Variants in TRPM3 observed in about 807,000 individuals in gnomAD.
TRPM3 encodes long transient receptor potential channel 3.
In TRPM3, 77 loss-of-function variants were observed where a neutral mutation model predicts 181.2. That is an observed-to-expected ratio of 0.42 (90% confidence interval 0.35 to 0.51). The LOEUF is 0.51. TRPM3 is among the 20% of genes least tolerant of loss of function. The pLI is 0.01. For synonymous variants in TRPM3, 745 were observed against 796.4 expected (o/e 0.94, Z 1.09); for missense variants, 1,759 against 2,196.7 (o/e 0.80, Z 3.98).
intron 1 of TRPM3, among the ~76,000 whole-genome samples, chr9:71,444,270 G>A (rs2094175585): frequency 6.6e-6 from 1 of 151,290 alleles, no homozygotes; most frequent in Non-Finnish European, 1.5e-5. Context: ...AACTGGAAGT[G>A]ATTTCAAGAA....
chr9:70,753,225 A>C (rs138360687), intron 8 of TRPM3, among the ~76,000 whole-genome samples: 163 of 151,926 alleles, frequency 1.1e-3, no homozygotes, highest in African/African-American at 3.8e-3. Context: ...AAATTTGAGA[A>C]TTTCTATTTA....
intron 22 of TRPM3, among the ~76,000 whole-genome samples, chr9:70,567,843 C>G (rs1269358161): frequency 6.6e-6 from 1 of 152,186 alleles, no homozygotes; most frequent in East Asian, 1.9e-4. Flanking sequence ...CTTCCTTTCT[C>G]TACATCTTGT....
At chr9:70,632,873 T>C (rs1022746210) in intron 12 of TRPM3, among the ~76,000 whole-genome samples, 6 of 152,194 alleles carry the variant, frequency 3.9e-5, no homozygotes, top group African/African-American at 1.4e-4. Context: ...CTTCTAATCA[T>C]ACAAGTGACG....
intron 1 of TRPM3, among the ~76,000 whole-genome samples, chr9:71,163,315 G>GA (rs1256424626): frequency 1.3e-5 from 2 of 152,062 alleles, no homozygotes; most frequent in Non-Finnish European, 2.9e-5. Context: ...TAGTGATAAA[G>GA]AGGGGAAACA....
intron 1 of TRPM3, among the ~76,000 whole-genome samples, chr9:71,443,498 C>T (rs2094161984): frequency 6.6e-6 from 1 of 152,186 alleles, no homozygotes; most frequent in Non-Finnish European, 1.5e-5. Flanking sequence ...TTCTGCCTGT[C>T]ACCAGAACAG....
At chr9:71,194,519 G>C (rs371388328) in intron 1 of TRPM3, among the ~76,000 whole-genome samples, 4 of 151,806 alleles carry the variant, frequency 2.6e-5, no homozygotes, top group East Asian at 1.9e-4. Flanking sequence ...AAGTGAGCTT[G>C]GGCATCGTAA....
At chr9:71,003,671 C>T (rs2097642269) in intron 1 of TRPM3, among the ~76,000 whole-genome samples, 1 of 151,916 alleles carries the variant, frequency 6.6e-6, no homozygotes, top group Non-Finnish European at 1.5e-5. Context: ...TTGATTTATG[C>T]GATGCTTATG....
intron 1 of TRPM3, among the ~76,000 whole-genome samples, chr9:70,919,591 C>T (rs193073879): frequency 1.3e-5 from 2 of 152,222 alleles, no homozygotes; most frequent in East Asian, 3.9e-4. Flanking sequence ...GGAGACCAGC[C>T]TGGCCAACAT....
intron 1 of TRPM3, among the ~76,000 whole-genome samples, chr9:71,279,047 AAAT>A (rs2084469211): frequency 7.9e-6 from 1 of 127,024 alleles, no homozygotes; most frequent in Non-Finnish European, 1.6e-5. Flanking sequence ...AAAAAAATAA[AAAT>A]AAAAATAAAA....
chr9:71,270,224 C>A (rs1465921535), intron 1 of TRPM3, among the ~76,000 whole-genome samples: 1 of 152,070 alleles, frequency 6.6e-6, no homozygotes. Context: ...GTGGTGGGTG[C>A]CTGTAATCAC....
intron 1 of TRPM3, among the ~76,000 whole-genome samples, chr9:70,877,978 A>G (rs1052302017): frequency 6.6e-6 from 1 of 151,802 alleles, no homozygotes; most frequent in South Asian, 2.1e-4. Context: ...TTGAACAATT[A>G]TTTTTTTCTC....
At chr9:70,754,624 G>A (rs951058095) in intron 8 of TRPM3, among the ~76,000 whole-genome samples, 3 of 152,160 alleles carry the variant, frequency 2.0e-5, no homozygotes, top group African/African-American at 2.4e-5. Context: ...CATAGTGCAG[G>A]CTTTATTATG....
chr9:71,046,364 G>A (rs1300843359), intron 1 of TRPM3, among the ~76,000 whole-genome samples: 1 of 152,070 alleles, frequency 6.6e-6, no homozygotes, highest in Non-Finnish European at 1.5e-5. Context: ...AATTCATGCT[G>A]GGAAACATCG....
At chr9:70,875,988 T>G (rs1347539944) in intron 1 of TRPM3, among the ~76,000 whole-genome samples, 1 of 151,920 alleles carries the variant, frequency 6.6e-6, no homozygotes, top group Non-Finnish European at 1.5e-5. Context: ...TCCATCTGCA[T>G]AAGTTCAGAA....
intron 6 of TRPM3, among the ~76,000 whole-genome samples, chr9:70,798,602 A>AACATT (rs1305389532): frequency 6.6e-6 from 1 of 152,216 alleles, no homozygotes; most frequent in East Asian, 1.9e-4. Flanking sequence ...CCTCTCAGAT[A>AACATT]ACATTCTGGT....
intron 1 of TRPM3, among the ~76,000 whole-genome samples, chr9:70,998,866 A>G (rs2097571014): frequency 2.0e-5 from 3 of 152,140 alleles, no homozygotes; most frequent in Admixed American, 2.0e-4. Flanking sequence ...TGTCCTCTTT[A>G]AACTTTTACT....
At chr9:70,939,324 T>C (rs2096862173) in intron 1 of TRPM3, among the ~76,000 whole-genome samples, 1 of 152,242 alleles carries the variant, frequency 6.6e-6, no homozygotes, top group South Asian at 2.1e-4. Context: ...TGGGTGCTAA[T>C]TACCCGACAG....
intron 1 of TRPM3, among the ~76,000 whole-genome samples, chr9:71,317,864 G>T (rs543261033): frequency 6.6e-6 from 1 of 152,032 alleles, no homozygotes; most frequent in East Asian, 1.9e-4. Context: ...TCAAATTTCT[G>T]GCTAGGACCA....
At chr9:70,844,975 G>T (rs1368018755) in intron 4 of TRPM3, among the ~76,000 whole-genome samples, 1 of 152,130 alleles carries the variant, frequency 6.6e-6, no homozygotes, top group African/African-American at 2.4e-5. Context: ...AAGAAAAATT[G>T]CTCTGTAGAT....
Sources: allele counts gnomAD v4.1 joint callset (sites outside exome capture counted in the v4.1 genomes callset), GRCh38; gene constraint gnomAD v4.1.1; transcripts MANE v1.5; gene names NCBI Gene and HGNC (gene_info 2026-07-23, HGNC 2026-07-21).